SCAPER: variants seen among roughly 807,000 people sequenced by gnomAD.
SCAPER encodes S phase cyclin A-associated protein in the endoplasmic reticulum.
In SCAPER, 98 loss-of-function variants were observed where a neutral mutation model predicts 182.2. The ratio of observed to expected loss-of-function variants is 0.54; its 90% CI spans 0.46 to 0.64. SCAPER has a LOEUF of 0.64. Among genes scored for constraint, SCAPER ranks in the 30% least tolerant of loss-of-function variants. The probability of loss-of-function intolerance (pLI) is 0.00; values close to 1 mark genes in which losing one functional copy is unlikely to be tolerated. For missense variants in SCAPER, 1,432 were observed against 1,690.0 expected (o/e 0.85, Z 2.68); for synonymous variants, 605 against 564.6 (o/e 1.07, Z -1.01).
chr15:76,704,715 C>A (rs1052013144), intron 18 of SCAPER, among the ~76,000 whole-genome samples: 4 of 152,064 alleles, frequency 2.6e-5, no homozygotes, highest in Admixed American at 2.0e-4. Flanking sequence ...ATCAAACAAC[C>A]CCATCAAAGA....
rs867312062 is a variant in SCAPER, at chr15:76,632,494, G to A, written c.2646-10665C>T. Among the ~76,000 whole-genome samples the A allele has an allele frequency of 3.3e-5, 5 of 152,094 alleles. 1 individual carries two copies. In the Middle Eastern group the frequency reaches 0.014, roughly 414 times the overall value. ...AGGCATGAGCCACTACACCCAGCCA[G>A]CTCCTGTAATGTTTTATCATGATTC... On this transcript the variant is annotated intron_variant, in intron 21 of 31. Coordinates refer to ENST00000563290, the MANE Select transcript of SCAPER (RefSeq NM_020843.4).
chr15:76,856,531 T>C (rs984449862), intron 4 of SCAPER, among the ~76,000 whole-genome samples: 24 of 151,062 alleles, frequency 1.6e-4, no homozygotes, highest in African/African-American at 5.8e-4. Context: ...GTATATATTT[T>C]TAACTTTTTT....
chr15:76,888,560 G>A (rs967735842), intron 1 of SCAPER, among the ~76,000 whole-genome samples: 5 of 152,142 alleles, frequency 3.3e-5, no homozygotes, highest in Admixed American at 2.0e-4. Flanking sequence ...TCAATCAAGT[G>A]GAAGAAAGGA....
chr15:76,436,612 CTT>C (rs2047213807), intron 25 of SCAPER, among the ~76,000 whole-genome samples: 1 of 151,534 alleles, frequency 6.6e-6, no homozygotes, highest in Non-Finnish European at 1.5e-5. Flanking sequence ...TGAAATTATA[CTT>C]TTTAAAAGAT....
chr15:76,367,399 G>A (rs1354059119), intron 29 of SCAPER, among the ~76,000 whole-genome samples: 1 of 152,172 alleles, frequency 6.6e-6, no homozygotes, highest in Admixed American at 6.5e-5. Context: ...CCCCTCCATG[G>A]CTGAAGACCA....
chr15:76,479,173 AAGG>A (rs1417504244), intron 24 of SCAPER, among the ~76,000 whole-genome samples: 1 of 152,198 alleles, frequency 6.6e-6, no homozygotes, highest in East Asian at 1.9e-4. Flanking sequence ...GAGGAAAAAA[AAGG>A]AGGAGGGAAC....
chr15:76,464,643 T>A (rs1209792474), intron 25 of SCAPER, among the ~76,000 whole-genome samples: 2 of 152,190 alleles, frequency 1.3e-5, no homozygotes, highest in Non-Finnish European at 2.9e-5. Context: ...CTTTATCCAC[T>A]CATTTGTTGA....
In SCAPER at chr15:76,702,886, A is replaced by G. The variant is rs1192028272; in HGVS notation, c.2364T>C (p.Tyr788=). The change falls in exon 19 of 32, where the codon TAT becomes TAC. Residue 788 remains tyrosine, a synonymous_variant. Transcript: ENST00000563290. ...AGAGAGAACACTGCTTCTTTCTTTCATAAGGGGTCAGTTTGGGGGCATAAT... is the reference window on the plus strand; with the variant it reads ...AGAGAGAACACTGCTTCTTTCTTTCGTAAGGGGTCAGTTTGGGGGCATAAT... ...NTDYAPKLTP[Y]ERKKQCSLCN... is the part of the protein sequence containing the mutation. 6.2e-7 allele frequency: 1 copy of G among 1,609,088 alleles called. No individual in the cohort carries two copies. The highest frequency in any genetic ancestry group is 1.1e-5 in the South Asian group (1 of 89,470).
chr15:76,540,929 T>G (rs1416796069), intron 23 of SCAPER, among the ~76,000 whole-genome samples: 6 of 152,132 alleles, frequency 3.9e-5, no homozygotes, highest in Middle Eastern at 3.4e-3. Flanking sequence ...AAGACCAGCC[T>G]GACCAAGATG....
intron 2 of SCAPER, among the ~76,000 whole-genome samples, chr15:76,879,903 T>C (rs1331022818): frequency 2.6e-5 from 4 of 152,198 alleles, no homozygotes; most frequent in Non-Finnish European, 5.9e-5. Flanking sequence ...TGTCTTCCAT[T>C]AGACAGTAAG....
intron 24 of SCAPER, among the ~76,000 whole-genome samples, chr15:76,496,286 A>T (rs1319116680): frequency 1.3e-5 from 2 of 151,932 alleles, no homozygotes; most frequent in Non-Finnish European, 2.9e-5. Flanking sequence ...CTGAGAGAGT[A>T]GGGTCTGAAG....
At chr15:76,893,273 T>C (rs1329639139) in intron 1 of SCAPER, among the ~76,000 whole-genome samples, 1 of 152,192 alleles carries the variant, frequency 6.6e-6, no homozygotes, top group African/African-American at 2.4e-5. Context: ...CATGTATACC[T>C]GTGTAACAAA....
chr15:76,845,528 G>C (rs1433754963), intron 4 of SCAPER, among the ~76,000 whole-genome samples: 2 of 151,666 alleles, frequency 1.3e-5, no homozygotes, highest in Non-Finnish European at 2.9e-5. Flanking sequence ...AGGATACAAA[G>C]TCAACATACA....
chr15:76,359,497 A>G (rs2041246650), intron 29 of SCAPER, among the ~76,000 whole-genome samples: 1 of 152,252 alleles, frequency 6.6e-6, no homozygotes, highest in Non-Finnish European at 1.5e-5. Context: ...GTACAAAGAA[A>G]CAGTGGCTTA....
chr15:76,663,322 G>A (rs1034472425), intron 21 of SCAPER, among the ~76,000 whole-genome samples: 5 of 152,032 alleles, frequency 3.3e-5, no homozygotes, highest in South Asian at 2.1e-4. Flanking sequence ...GAATTCTCAC[G>A]GATTGCTAAT....
intron 21 of SCAPER, among the ~76,000 whole-genome samples, chr15:76,648,927 T>C (rs983155399): frequency 2.0e-5 from 3 of 152,206 alleles, no homozygotes; most frequent in South Asian, 2.1e-4. Context: ...ATCTGCATAA[T>C]AAAAGATTAG....
intron 15 of SCAPER, among the ~76,000 whole-genome samples, chr15:76,749,134 A>G (rs2061959038): frequency 6.6e-6 from 1 of 151,872 alleles, no homozygotes; most frequent in Admixed American, 6.6e-5. Flanking sequence ...AATCAAATTC[A>G]CCAATACACA....
At chr15:76,436,623 AT>A (rs35235519) in intron 25 of SCAPER, among the ~76,000 whole-genome samples, 4,204 of 149,402 alleles carry the variant, frequency 0.028, 80 homozygotes, top group South Asian at 0.057. Context: ...TTTTTAAAAG[AT>A]TTTTTTTTTG....
rs191633328 is a variant in SCAPER, at chr15:76,558,784, C to T, written c.2838+15374G>A. Among the ~76,000 whole-genome samples the T allele has an allele frequency of 3.1e-3, 475 of 152,136 alleles. 4 individuals are homozygous for T. Among genetic ancestry groups the T allele is most frequent in the African/African-American group, 0.011 (452 of 41,514 alleles). On this transcript the variant is annotated intron_variant, in intron 23 of 31. Transcript: ENST00000563290. ...TGGACTCAATCCAGGTGCCCATTCA[C>T]GGTGGACTGGATAAAGAAAATGTGA...
Sources: gnomAD v4.1 joint callset for allele counts (sites outside exome capture counted in the v4.1 genomes callset) on GRCh38, gnomAD v4.1.1 for gene constraint, MANE v1.5 for transcripts, NCBI Gene and HGNC (gene_info 2026-07-23, HGNC 2026-07-21) for gene names.